MAN2A1: variants seen among roughly 807,000 people sequenced by gnomAD.
MAN2A1 encodes the protein alpha-mannosidase 2.
In MAN2A1, 76 loss-of-function variants were observed where a neutral mutation model predicts 142.6. The observed-to-expected ratio is 0.53, with a 90% CI of 0.44 to 0.65. The LOEUF is 0.65. Ranked by LOEUF, MAN2A1 falls within the 30% of genes least tolerant of loss-of-function variation. The pLI is 0.00. For synonymous variants in MAN2A1, 559 were observed against 473.2 expected, an observed-to-expected ratio of 1.18 and a Z score of -2.35; for missense variants, 1,311 against 1,365.1, an observed-to-expected ratio of 0.96 and a Z score of 0.62.
intron 12 of MAN2A1, among the ~76,000 whole-genome samples, chr5:109,800,898 G>C (rs891529302): frequency 6.6e-6 from 1 of 152,146 alleles, no homozygotes; most frequent in African/African-American, 2.4e-5. Context: ...GTAATCATTA[G>C]GCAATTAAAT....
At chr5:109,842,129 T>A (rs1292664025) in intron 16 of MAN2A1, among the ~76,000 whole-genome samples, 199 bp from the exon 17 acceptor site, 1 of 152,200 alleles carries the variant, frequency 6.6e-6, no homozygotes, top group Non-Finnish European at 1.5e-5. Context: ...TATGCTCCCC[T>A]GAATAAGTGC....
intron 17 of MAN2A1, among the ~76,000 whole-genome samples, chr5:109,843,976 G>A (rs1418051364): frequency 6.6e-6 from 1 of 152,086 alleles, no homozygotes. Context: ...ATGATTTCCT[G>A]CAAAAGTTAA....
At chr5:109,826,723 T>C (rs572089269) in intron 16 of MAN2A1, among the ~76,000 whole-genome samples, 1 of 152,356 alleles carries the variant, frequency 6.6e-6, no homozygotes, top group Admixed American at 6.5e-5. Flanking sequence ...ATATACGAAG[T>C]CTTCAGGGTA....
At chr5:109,840,458 C>A in intron 16 of MAN2A1, 1 of 478,334 alleles carries the variant, frequency 2.1e-6, no homozygotes, top group South Asian at 1.6e-5. Context: ...TTTGCTGCAA[C>A]CACTGAAGTC....
intron 12 of MAN2A1, among the ~76,000 whole-genome samples, chr5:109,810,732 T>C (rs1180743162): frequency 6.6e-6 from 1 of 152,214 alleles, no homozygotes; most frequent in Non-Finnish European, 1.5e-5. Flanking sequence ...AGAAGGCTGG[T>C]CACTTTTCTG....
At chr5:109,694,564 G>A (rs1470461067) in intron 1 of MAN2A1, among the ~76,000 whole-genome samples, 1 of 151,850 alleles carries the variant, frequency 6.6e-6, no homozygotes. Flanking sequence ...TGACCAACTG[G>A]TTTCAAATTC....
chr5:109,720,783 G>A (rs1172343598), intron 3 of MAN2A1, among the ~76,000 whole-genome samples: 1 of 152,244 alleles, frequency 6.6e-6, no homozygotes, highest in Non-Finnish European at 1.5e-5. Context: ...TGGGCTGCAG[G>A]TTGGACAAAC....
chr5:109,782,912 A>C (rs1212552784), intron 9 of MAN2A1, among the ~76,000 whole-genome samples: 1 of 152,092 alleles, frequency 6.6e-6, no homozygotes, highest in African/African-American at 2.4e-5. Flanking sequence ...CTAAAAGTAG[A>C]ATTGGAATGT....
At chr5:109,831,533 TA>T (rs1480724197) in intron 16 of MAN2A1, among the ~76,000 whole-genome samples, 1 of 152,248 alleles carries the variant, frequency 6.6e-6, no homozygotes, top group East Asian at 1.9e-4. Flanking sequence ...AGTTTTTCTT[TA>T]TACATTTAAA....
At chr5:109,751,055 C>T (rs1012567536) in intron 4 of MAN2A1, among the ~76,000 whole-genome samples, 3 of 151,956 alleles carry the variant, frequency 2.0e-5, no homozygotes, top group South Asian at 4.2e-4. Context: ...ACTCTGCTGT[C>T]GAACATTAGA....
At chr5:109,857,500 G>A (rs2284991) in intron 20 of MAN2A1, among the ~76,000 whole-genome samples, 26,553 of 152,068 alleles carry the variant, frequency 0.17, 3,237 homozygotes, top group East Asian at 0.63. Context: ...TGGGGAGGAT[G>A]GGCGGTCACC....
At chr5:109,697,540 G>A (rs1233898471) in intron 1 of MAN2A1, among the ~76,000 whole-genome samples, 3 of 152,180 alleles carry the variant, frequency 2.0e-5, no homozygotes, top group Non-Finnish European at 4.4e-5. Flanking sequence ...TCTTTATAGG[G>A]CCATGTGCTA....
chr5:109,771,611 AG>A (rs1012700105), intron 7 of MAN2A1, among the ~76,000 whole-genome samples: 24 of 152,308 alleles, frequency 1.6e-4, no homozygotes, highest in African/African-American at 5.8e-4. Context: ...AGAACCACTG[AG>A]GAATTCTGAA....
chr5:109,729,838 CA>C (rs1364184508), intron 4 of MAN2A1, among the ~76,000 whole-genome samples: 1 of 151,978 alleles, frequency 6.6e-6, no homozygotes, highest in South Asian at 2.1e-4. Context: ...ACTAAAAATA[CA>C]AAAAAATTAG....
At chr5:109,717,600 T>C (rs1751491021) in intron 3 of MAN2A1, among the ~76,000 whole-genome samples, 1 of 152,226 alleles carries the variant, frequency 6.6e-6, no homozygotes, top group Admixed American at 6.5e-5. Context: ...TATTTTAGAT[T>C]GTCTTTCTCC....
In MAN2A1 at chr5:109,867,108, A is replaced by T; in HGVS notation, c.*110A>T. 2 of 641,824 alleles carry T rather than the reference A, an allele frequency of 3.1e-6. No individual in the cohort carries two copies. Among genetic ancestry groups the T allele is most frequent in the East Asian group, 3.6e-5 (1 of 27,860 alleles). The allele number at this position is 641,824 out of a possible 1,614,324, so 39.8% of individuals were successfully genotyped here. A position where few individuals can be genotyped will look rare whatever the true frequency, so the allele number is the denominator to read the frequency against. ...GCTTCTGGCTACTGTGAGAACATGA[A>T]TTCTGTGATTCTGTGGGTTTTTTCT... On this transcript the variant is annotated 3_prime_UTR_variant, in exon 22 of 22. Transcript: ENST00000261483.
At chr5:109,859,763 G>A (rs1248951239) in intron 20 of MAN2A1, among the ~76,000 whole-genome samples, 2 of 152,126 alleles carry the variant, frequency 1.3e-5, no homozygotes, top group African/African-American at 2.4e-5. Context: ...GGCTTCTGAA[G>A]CTGGAGCTGC....
chr5:109,795,497 T>G (rs1340474482), intron 12 of MAN2A1, among the ~76,000 whole-genome samples: 1 of 152,174 alleles, frequency 6.6e-6, no homozygotes. Context: ...TAGAAGATGA[T>G]GAACAGTTGT....
rs1754707290 is a variant in MAN2A1, at chr5:109,824,438, T to C, written c.2566+601T>C. Among the ~76,000 whole-genome samples, 3 of 152,130 alleles carry C rather than the reference T, an allele frequency of 2.0e-5. No individual in the cohort carries two copies. The South Asian group carries it at 6.2e-4, about 31-fold the overall frequency. On this transcript the variant is annotated intron_variant, in intron 16 of 21. Transcript: ENST00000261483. ...TGGAACTGATTCCATGGGGTCTGAG[T>C]GGAGCTGTGGTTTCCAAAGACTTGC...
Sources: allele counts gnomAD v4.1 joint callset (sites outside exome capture counted in the v4.1 genomes callset), GRCh38; gene constraint gnomAD v4.1.1; transcripts MANE v1.5; gene names NCBI Gene and HGNC (gene_info 2026-07-23, HGNC 2026-07-21).